The following SOCS7 variants were observed in gnomAD, a reference collection of about 807,000 sequenced individuals.
SOCS7 encodes the protein NAP-4.
SOCS7 carries 18 observed loss-of-function variants against 58.9 expected under a neutral mutation model. That is an observed-to-expected ratio of 0.31 (90% CI 0.21 to 0.45). SOCS7 has a LOEUF of 0.45. Ranked by LOEUF, SOCS7 falls within the 20% of genes least tolerant of loss-of-function variation. SOCS7 has a pLI of 1.00. For missense variants in SOCS7, 667 were observed against 837.3 expected (o/e 0.80, Z 2.51); for synonymous variants, 388 against 364.3 (o/e 1.06, Z -0.74).
chr17:38,376,180 C>T (rs2037928483), intron 6 of SOCS7, among the ~76,000 whole-genome samples: 1 of 152,182 alleles, frequency 6.6e-6, no homozygotes, highest in Non-Finnish European at 1.5e-5. Context: ...TATTCCAGCT[C>T]AGGATCACAA....
At chr17:38,362,791 A>C (rs1004747642) in intron 2 of SOCS7, among the ~76,000 whole-genome samples, 8 of 152,174 alleles carry the variant, frequency 5.3e-5, no homozygotes, top group African/African-American at 1.9e-4. Context: ...TTTCTAGTTA[A>C]TAGTTGTTTC....
chr17:38,368,994 C>T (rs1433916637), intron 6 of SOCS7, among the ~76,000 whole-genome samples: 7 of 152,150 alleles, frequency 4.6e-5, no homozygotes, highest in African/African-American at 7.2e-5. Context: ...GCCTAGAAGC[C>T]GACTTGTTAA....
At chr17:38,387,213 G>A (rs1255509258) in intron 7 of SOCS7, among the ~76,000 whole-genome samples, 1 of 139,638 alleles carries the variant, frequency 7.2e-6, no homozygotes, top group Non-Finnish European at 1.5e-5. Context: ...GGAGGCCGAG[G>A]CAGTTGGATC....
chr17:38,359,024 G>T (rs1555567213), intron 1 of SOCS7, among the ~76,000 whole-genome samples: 1 of 152,246 alleles, frequency 6.6e-6, no homozygotes, highest in Non-Finnish European at 1.5e-5. Context: ...GCAGATGGCA[G>T]AGTAATGCAG....
At chr17:38,363,371 TG>T (rs2037745601) in intron 2 of SOCS7, among the ~76,000 whole-genome samples, 1 of 152,226 alleles carries the variant, frequency 6.6e-6, no homozygotes, top group Non-Finnish European at 1.5e-5. Context: ...GGCCTCACTT[TG>T]TCTCCCAGGC....
At chr17:38,375,875 A>G (rs1000319239) in intron 6 of SOCS7, 81 of 151,716 alleles carry the variant, frequency 5.3e-4, no homozygotes, top group Admixed American at 5.3e-3. Context: ...GCTGGAGTGC[A>G]ATGGTGTGAT....
chr17:38,391,285 G>T (rs990192291), intron 7 of SOCS7, among the ~76,000 whole-genome samples: 2 of 152,156 alleles, frequency 1.3e-5, no homozygotes, highest in African/African-American at 4.8e-5. Context: ...TGAATCTTCT[G>T]CCCTCTCACC....
intron 7 of SOCS7, among the ~76,000 whole-genome samples, chr17:38,389,906 T>TATATGTAC (rs1555571102): frequency 1.9e-5 from 2 of 103,474 alleles, no homozygotes; most frequent in African/African-American, 9.4e-5. Flanking sequence ...TATACACATA[T>TATATGTAC]AGAGAGAGAG....
At chr17:38,357,223 C>T (rs1210252014) in intron 1 of SOCS7, among the ~76,000 whole-genome samples, 3 of 152,188 alleles carry the variant, frequency 2.0e-5, no homozygotes, top group Non-Finnish European at 4.4e-5. Context: ...ATCCTTGGGT[C>T]TTCAGGTCTA....
Position 38,405,486 on chromosome 17 carries a change from A to C in SOCS7, c.*6004A>C, listed in dbSNP as rs2038379879. On this transcript the variant is annotated 3_prime_UTR_variant, in exon 10 of 10. Coordinates refer to ENST00000612932, the MANE Select transcript of SOCS7 (RefSeq NM_014598.4). The stretch of plus-strand genomic sequence containing the variant: ...AGTTTTTTGTAAGTGTCAGTGCGAG[A>C]GACATTTGACTCTTGTGTTTGTATC... The C allele has an allele frequency of 6.6e-6, 1 of 152,102 alleles. No homozygotes were observed. The highest frequency in any genetic ancestry group is 1.5e-5 in the Non-Finnish European group (1 of 68,032). 9.4% of individuals were successfully genotyped at this position (152,102 alleles called of 1,614,324 possible).
chr17:38,401,467 C>G lies in SOCS7; in HGVS notation c.*1985C>G, dbSNP rs781389275. ...GCCTGGGATCTTTCTTTTTTTTGTT[C>G]CTTTTCAACCACCCATAATTTTAAT... On this transcript the variant is annotated 3_prime_UTR_variant, in exon 10 of 10. Transcript: ENST00000612932. The G allele has an allele frequency of 6.6e-6, 1 of 151,634 alleles. No homozygotes were observed. The highest frequency in any genetic ancestry group is 1.5e-5 in the Non-Finnish European group (1 of 67,946). The allele number at this position is 151,634 out of a possible 1,614,324, so 9.4% of individuals were successfully genotyped here. A position where few individuals can be genotyped will look rare whatever the true frequency, so the allele number is the denominator to read the frequency against.
chr17:38,352,254 C>G lies in SOCS7; in HGVS notation c.202C>G (p.Arg68Gly). The G allele has an allele frequency of 6.8e-7, 1 of 1,468,598 alleles. No homozygotes were observed. The allele number at this position is 1,468,598 out of a possible 1,614,324, so 91.0% of individuals were successfully genotyped here. The change falls in exon 1 of 10, where the codon CGC becomes GGC. Residue 68 changes from arginine (R) to glycine (G), a missense_variant. This residue lies in a region of SOCS7 where 154 missense variants were observed against 156.3 expected (regional missense o/e 0.98). Coordinates refer to ENST00000612932, the MANE Select transcript of SOCS7 (RefSeq NM_014598.4). This position sits in a 1 kb window ranked among gnomAD's most constrained non-coding sequence, Gnocchi z 5.5. Reference protein sequence around the residue: ...GSRPPQLMVFRNVGRPPEEED... With the variant: ...GSRPPQLMVFGNVGRPPEEED... ...CCGGCCGCCGCAGCTGATGGTGTTC[C>G]GCAACGTGGGTCGGCCGCCGGAGGA...
chr17:38,368,139 A>G, intron 6 of SOCS7, 89 bp downstream of exon 6: 1 of 1,196,114 alleles, frequency 8.4e-7, no homozygotes, highest in South Asian at 1.5e-5. Context: ...ATTCATAGGA[A>G]TGGAACTACA....
chr17:38,367,491 A>G (rs1022450366), intron 5 of SOCS7, among the ~76,000 whole-genome samples: 1 of 152,008 alleles, frequency 6.6e-6, no homozygotes, highest in African/African-American at 2.4e-5. Context: ...CTTCTGCCTC[A>G]GCCTCCTGAA....
chr17:38,364,938 C>T (rs2037769348), intron 3 of SOCS7, 82 bp downstream of exon 3: 5 of 1,026,152 alleles, frequency 4.9e-6, no homozygotes, highest in South Asian at 1.4e-5. Context: ...GGGCCGACCA[C>T]GCTTCTGGGT....
intron 6 of SOCS7, among the ~76,000 whole-genome samples, chr17:38,374,091 G>A (rs1327001225): frequency 6.6e-6 from 1 of 152,076 alleles, no homozygotes; most frequent in Non-Finnish European, 1.5e-5. Flanking sequence ...CTGGTGGCAC[G>A]CGCCTGTGAT....
At chr17:38,363,140 G>C (rs1019808268) in intron 2 of SOCS7, among the ~76,000 whole-genome samples, 1 of 151,878 alleles carries the variant, frequency 6.6e-6, no homozygotes, top group Admixed American at 6.6e-5. Context: ...ACCTACATTT[G>C]TAGTTTGAGG....
chr17:38,352,755 C>T lies in SOCS7; in HGVS notation c.703C>T (p.Pro235Ser). 3 of 1,550,056 alleles carry T rather than the reference C, an allele frequency of 1.9e-6. No individual in the cohort carries two copies. Among genetic ancestry groups the T allele is most frequent in the South Asian group, 1.2e-5 (1 of 84,054 alleles). ...PVPFPLQDLV[P>S]LGRLSRGEQQ... ...GCCCTTCCCGCTGCAGGACTTGGTCCCTCTGGGGCGCCTGAGTAGAGGGGA... is the reference window on the plus strand; with the variant it reads ...GCCCTTCCCGCTGCAGGACTTGGTCTCTCTGGGGCGCCTGAGTAGAGGGGA... Residue 235 changes from proline (P) to serine (S), a missense_variant, in exon 1 of 10, where the codon CCT (proline) becomes TCT (serine). This residue lies in a region of SOCS7 where 208 missense variants were observed against 190.3 expected (regional missense o/e 1.09). Transcript: ENST00000612932. This position sits in a 1 kb window ranked among gnomAD's most constrained non-coding sequence, Gnocchi z 5.5.
chr17:38,375,113 T>A (rs1362439721), intron 6 of SOCS7, among the ~76,000 whole-genome samples: 1 of 152,102 alleles, frequency 6.6e-6, no homozygotes, highest in Non-Finnish European at 1.5e-5. Context: ...GAGGATCACT[T>A]AAACCCAGTA....
Sources: gnomAD v4.1 joint callset for allele counts (sites outside exome capture counted in the v4.1 genomes callset) on GRCh38, gnomAD v4.1.1 for gene constraint, gnomAD v4.1.1 regional missense constraint, Gnocchi (gnomAD v3.1) non-coding constraint, MANE v1.5 for transcripts, NCBI Gene and HGNC (gene_info 2026-07-23, HGNC 2026-07-21) for gene names.